Variants in SESN1 observed in about 807,000 individuals in gnomAD.
SESN1 encodes sestrin-1.
A neutral mutation model predicts 59.3 loss-of-function variants in SESN1; 30 were observed. The ratio of observed to expected loss-of-function variants is 0.51; its 90% CI spans 0.38 to 0.69. The LOEUF is 0.69. Ranked by LOEUF, SESN1 falls within the 30% of genes least tolerant of loss-of-function variation. The pLI, the probability that SESN1 is intolerant of heterozygous loss-of-function variation, is 0.00. For synonymous variants in SESN1, 197 were observed against 219.9 expected (o/e 0.90, Z 0.92); for missense variants, 566 against 673.0 (o/e 0.84, Z 1.76).
At chr6:109,090,702 A>T (rs1203958983) in intron 1 of SESN1, 1 of 152,154 alleles carries the variant, frequency 6.6e-6, no homozygotes, top group Non-Finnish European at 1.5e-5. Flanking sequence ...TTGCTATCTC[A>T]GGGGTGATAG....
chr6:108,998,845 T>C, intron 4 of SESN1, 90 bp from the exon 5 acceptor site: 1 of 1,399,558 alleles, frequency 7.1e-7, no homozygotes, highest in Non-Finnish European at 9.6e-7. Flanking sequence ...ATTGAAAACA[T>C]GAGTCATCAT....
chr6:109,066,989 C>T (rs1239185230), intron 1 of SESN1, among the ~76,000 whole-genome samples: 1 of 152,172 alleles, frequency 6.6e-6, no homozygotes, highest in Non-Finnish European at 1.5e-5. Context: ...TCTTCTGGTG[C>T]AATATTCGCA....
At chr6:109,092,609 G>A (rs183056488) in intron 1 of SESN1, among the ~76,000 whole-genome samples, 1 of 152,274 alleles carries the variant, frequency 6.6e-6, no homozygotes, top group Admixed American at 6.5e-5. Flanking sequence ...CATATAGTCA[G>A]TCCTCCACCC....
intron 1 of SESN1, among the ~76,000 whole-genome samples, chr6:109,067,856 T>G (rs1180648649): frequency 1.3e-5 from 2 of 152,230 alleles, no homozygotes. Context: ...TCTACCCTGT[T>G]TTGTGCTTCA....
chr6:109,079,726 C>T (rs960501125), intron 1 of SESN1, among the ~76,000 whole-genome samples: 3 of 152,062 alleles, frequency 2.0e-5, no homozygotes, highest in Non-Finnish European at 2.9e-5. Context: ...TAAAATGTTA[C>T]AATTTATGAA....
At chr6:109,092,187 C>T (rs1056586515) in intron 1 of SESN1, among the ~76,000 whole-genome samples, 1 of 152,168 alleles carries the variant, frequency 6.6e-6, no homozygotes, top group African/African-American at 2.4e-5. Context: ...GGGAGAGGAG[C>T]ATCTACTATA....
chr6:109,011,326 A>G (rs922121170), intron 1 of SESN1, among the ~76,000 whole-genome samples: 5 of 152,206 alleles, frequency 3.3e-5, no homozygotes, highest in Non-Finnish European at 7.3e-5. Context: ...TCCAATTAGG[A>G]TTCCTTTTTC....
intron 1 of SESN1, among the ~76,000 whole-genome samples, chr6:109,074,903 T>C (rs1781006220): frequency 6.6e-6 from 1 of 152,204 alleles, no homozygotes; most frequent in African/African-American, 2.4e-5. Context: ...TTTCCTAAAG[T>C]TGCATAGGAA....
At chr6:108,991,139 C>G (rs1031523544) in intron 7 of SESN1, among the ~76,000 whole-genome samples, 1 of 152,132 alleles carries the variant, frequency 6.6e-6, no homozygotes, top group Admixed American at 6.5e-5. Context: ...CTTTCACTCT[C>G]TCTCCACTCA....
chr6:109,007,045 C>G (rs937699652), intron 1 of SESN1, among the ~76,000 whole-genome samples: 5 of 152,192 alleles, frequency 3.3e-5, no homozygotes, highest in African/African-American at 4.8e-5. Context: ...GAAGGTGTGG[C>G]TGGAAGATTA....
At chr6:109,073,390 G>A (rs1194821666) in intron 1 of SESN1, among the ~76,000 whole-genome samples, 1 of 152,138 alleles carries the variant, frequency 6.6e-6, no homozygotes, top group Admixed American at 6.6e-5. Flanking sequence ...TCAATAGATG[G>A]AAACACTAAA....
At chr6:109,080,376 A>C (rs1220137353) in intron 1 of SESN1, among the ~76,000 whole-genome samples, 5 of 152,168 alleles carry the variant, frequency 3.3e-5, no homozygotes, top group Non-Finnish European at 7.4e-5. Context: ...CTTACTAGGA[A>C]TCTCTTAATA....
At chr6:108,997,067 G>A (rs1310629680) in intron 5 of SESN1, among the ~76,000 whole-genome samples, 1 of 152,084 alleles carries the variant, frequency 6.6e-6, no homozygotes, top group African/African-American at 2.4e-5. Context: ...GTTACCATTT[G>A]TATCTGAAGA....
chr6:109,078,811 G>A (rs916734166), intron 1 of SESN1, among the ~76,000 whole-genome samples: 2 of 152,042 alleles, frequency 1.3e-5, no homozygotes, highest in African/African-American at 4.8e-5. Flanking sequence ...AGGTGGAGAG[G>A]GAGGTCTGCT....
intron 1 of SESN1, among the ~76,000 whole-genome samples, chr6:109,092,297 A>T (rs1781327640): frequency 6.6e-6 from 1 of 152,226 alleles, no homozygotes; most frequent in African/African-American, 2.4e-5. Context: ...AAGGTCAAGG[A>T]ATTTGCCCAA....
chr6:109,064,742 T>G (rs976820736), intron 1 of SESN1, among the ~76,000 whole-genome samples: 5 of 144,696 alleles, frequency 3.5e-5, no homozygotes, highest in Admixed American at 6.9e-5. Flanking sequence ...GAGGGAGGGA[T>G]AGCAAGCATA....
intron 1 of SESN1, among the ~76,000 whole-genome samples, chr6:109,086,035 C>T (rs1781208259): frequency 6.6e-6 from 1 of 152,240 alleles, no homozygotes; most frequent in East Asian, 1.9e-4. Context: ...CAAAGTAGTG[C>T]CCATTTTATT....
chr6:109,079,182 C>A (rs1781078974), intron 1 of SESN1, among the ~76,000 whole-genome samples: 1 of 111,806 alleles, frequency 8.9e-6, no homozygotes, highest in African/African-American at 3.5e-5. Context: ...AGTTATTTTT[C>A]TGTGCTAAAC....
chr6:108,987,245 C>G lies in SESN1; in HGVS notation c.*299G>C, dbSNP rs1779223525. 1 of 264,444 alleles carries G rather than the reference C, an allele frequency of 3.8e-6. No homozygotes were observed. Among genetic ancestry groups the G allele is most frequent in the African/African-American group, 2.2e-5 (1 of 45,480 alleles). The allele number at this position is 264,444 out of a possible 1,614,324, so 16.4% of individuals were successfully genotyped here. On this transcript the variant is annotated 3_prime_UTR_variant, in exon 10 of 10. Transcript: ENST00000436639. ...GTTATCTTATTTAACATAAAAGCAACAGGATTTGGAGAGTTACTATTTGCT... is the reference window on the plus strand; with the variant it reads ...GTTATCTTATTTAACATAAAAGCAAGAGGATTTGGAGAGTTACTATTTGCT...
Sources: allele counts gnomAD v4.1 joint callset (sites outside exome capture counted in the v4.1 genomes callset), GRCh38; gene constraint gnomAD v4.1.1; transcripts MANE v1.5; gene names NCBI Gene and HGNC (gene_info 2026-07-23, HGNC 2026-07-21).